The following POU2F1 variants were observed in gnomAD, a reference collection of about 807,000 sequenced individuals.
POU2F1 encodes POU domain, class 2, transcription factor 1.
In POU2F1, 16 loss-of-function variants were observed where a neutral mutation model predicts 84.9. The ratio of observed to expected loss-of-function variants is 0.19; its 90% CI spans 0.13 to 0.29. POU2F1 has a LOEUF of 0.29. Among genes scored for constraint, POU2F1 ranks in the 10% least tolerant of loss-of-function variants. The pLI is 1.00. For missense variants in POU2F1, 738 were observed against 942.6 expected (o/e 0.78, Z 2.84); for synonymous variants, 368 against 368.3 (o/e 1.00, Z 0.01).
At chr1:167,355,688 AT>A (rs924721518) in intron 2 of POU2F1, among the ~76,000 whole-genome samples, 2 of 151,730 alleles carry the variant, frequency 1.3e-5, no homozygotes, top group East Asian at 3.9e-4. Flanking sequence ...TTTAATTACT[AT>A]TTTTTTTCAC....
intron 1 of POU2F1, among the ~76,000 whole-genome samples, chr1:167,240,588 G>A (rs776265383): frequency 6.6e-6 from 1 of 152,184 alleles, no homozygotes; most frequent in Non-Finnish European, 1.5e-5. Context: ...CTTAGCCTAA[G>A]TTTGTGTGGA....
At chr1:167,255,553 C>T (rs184890990) in intron 1 of POU2F1, among the ~76,000 whole-genome samples, 3 of 152,190 alleles carry the variant, frequency 2.0e-5, no homozygotes, top group African/African-American at 7.2e-5. Context: ...TAAGAGTAGA[C>T]TTGAACTTTA....
intron 1 of POU2F1, among the ~76,000 whole-genome samples, chr1:167,306,762 T>G (rs1454394758): frequency 1.3e-5 from 2 of 152,158 alleles, no homozygotes; most frequent in African/African-American, 2.4e-5. Flanking sequence ...ATGTCTGTCT[T>G]TGTTCAAATT....
chr1:167,370,435 A>G (rs1190027015), intron 4 of POU2F1, among the ~76,000 whole-genome samples: 3 of 152,198 alleles, frequency 2.0e-5, no homozygotes, highest in African/African-American at 7.2e-5. Flanking sequence ...GGAAAAGTCT[A>G]CTTTCAAAGT....
At chr1:167,298,917 A>G (rs1488761021) in intron 1 of POU2F1, among the ~76,000 whole-genome samples, 6 of 152,080 alleles carry the variant, frequency 3.9e-5, no homozygotes, top group African/African-American at 1.4e-4. Flanking sequence ...TAATCCCAGC[A>G]CTTTGGGAGG....
intron 1 of POU2F1, among the ~76,000 whole-genome samples, chr1:167,294,692 G>A (rs1384793979): frequency 1.3e-5 from 2 of 152,124 alleles, no homozygotes; most frequent in Non-Finnish European, 2.9e-5. Flanking sequence ...TAGTCATCAG[G>A]GAAATGCAAA....
intron 1 of POU2F1, among the ~76,000 whole-genome samples, chr1:167,255,640 C>T (rs1651073965): frequency 6.6e-6 from 1 of 151,986 alleles, no homozygotes; most frequent in Non-Finnish European, 1.5e-5. Flanking sequence ...TTGACATAGC[C>T]ACAAGAATCC....
At chr1:167,314,198 A>G (rs1655711502) in intron 1 of POU2F1, among the ~76,000 whole-genome samples, 1 of 145,390 alleles carries the variant, frequency 6.9e-6, no homozygotes, top group Non-Finnish European at 1.5e-5. Context: ...ACTCTGTCTC[A>G]GAAAAAAAAA....
intron 7 of POU2F1, among the ~76,000 whole-genome samples, chr1:167,382,288 G>A (rs1008956541): frequency 6.6e-6 from 1 of 152,196 alleles, no homozygotes; most frequent in Non-Finnish European, 1.5e-5. Context: ...CTCTGGAGAA[G>A]CAATATTTGA....
rs115090164 is a variant in POU2F1, at chr1:167,396,601, C to T, written c.1129+174C>T. ...GGTGATATAAATCAGAAAGCTGATT[C>T]ATTTAAATATTCTAGTAATTACAGT... On this transcript the variant is annotated intron_variant, in intron 10 of 15. Transcript: ENST00000367866. The T allele has an allele frequency of 1.2e-3, 797 of 643,046 alleles. 5 individuals are homozygous for T. The African/African-American group carries it at 0.014, about 11-fold the overall frequency. 39.8% of individuals were successfully genotyped at this position (643,046 alleles called of 1,614,324 possible).
At chr1:167,245,900 T>C (rs959688313) in intron 1 of POU2F1, among the ~76,000 whole-genome samples, 3 of 152,202 alleles carry the variant, frequency 2.0e-5, no homozygotes, top group African/African-American at 7.2e-5. Context: ...TTTTATTGTT[T>C]ATGGTAGTCA....
rs1206326609 is a variant in POU2F1, at chr1:167,412,298, C to T, written c.1895C>T (p.Ala632Val). 9.1e-6 allele frequency: 14 copies of T among 1,542,418 alleles called. No individual in the cohort carries two copies. The highest frequency in any genetic ancestry group is 5.9e-5 in the Admixed American group (3 of 51,026). ...AGCCTGATGGCACCCTCACAGTTTG[C>T]GGCTGGGTAAGGCGCTTTCTCATCT... is the stretch of plus-strand genomic sequence containing the variant. ...NPSLMAPSQF[A>V]AGGALLSLNP... Residue 632 changes from alanine (A) to valine (V), a missense_variant, in exon 14 of 16, where the codon GCG becomes GTG. Around this residue, in one of 4 missense-constraint regions of POU2F1, gnomAD observed 319 missense variants for 386.0 expected, o/e 0.83. Transcript: ENST00000367866.
At chr1:167,255,112 C>T (rs1242244081) in intron 1 of POU2F1, among the ~76,000 whole-genome samples, 2 of 152,152 alleles carry the variant, frequency 1.3e-5, no homozygotes, top group African/African-American at 4.8e-5. Context: ...TTTCAAATGA[C>T]TCTAATGCAC....
chr1:167,355,783 C>T (rs1294944672), intron 2 of POU2F1, among the ~76,000 whole-genome samples: 2 of 151,982 alleles, frequency 1.3e-5, no homozygotes, highest in African/African-American at 2.4e-5. Context: ...GTGCGAGCCT[C>T]CATGCCCAGC....
chr1:167,395,058 T>C (rs1347925203), intron 9 of POU2F1, among the ~76,000 whole-genome samples: 1 of 152,182 alleles, frequency 6.6e-6, no homozygotes, highest in Non-Finnish European at 1.5e-5. Context: ...CTTTCTGCCC[T>C]GTCACTAAAC....
chr1:167,309,972 C>CT (rs1655345360), intron 1 of POU2F1, among the ~76,000 whole-genome samples: 1 of 152,046 alleles, frequency 6.6e-6, no homozygotes, highest in South Asian at 2.1e-4. Flanking sequence ...TACCTCAGCT[C>CT]TAAATTCTTT....
At position 167,415,590 on chromosome 1, in the gene POU2F1, T is replaced by C; in HGVS notation, c.2081T>C (p.Val694Ala). ...AATGCGGGAGGAGCCCCCAACATCG[T>C]GACTGCCCCTCTGTTCCTGAACCCT... ...FANAGGAPNI[V>A]TAPLFLNPQN... The change falls in exon 16 of 16, where the codon GTG becomes GCG. Residue 694 changes from valine to alanine, a missense_variant. Around this residue, in one of 4 missense-constraint regions of POU2F1, gnomAD observed 319 missense variants for 386.0 expected, o/e 0.83. Coordinates refer to ENST00000367866, the MANE Select transcript of POU2F1 (RefSeq NM_002697.4). 1.9e-6 allele frequency: 3 copies of C among 1,614,180 alleles called. No homozygotes were observed. Among genetic ancestry groups the C allele is most frequent in the Non-Finnish European group, 2.5e-6 (3 of 1,180,014 alleles).
intron 9 of POU2F1, among the ~76,000 whole-genome samples, chr1:167,391,114 T>C (rs1279530482): frequency 1.3e-5 from 2 of 152,174 alleles, no homozygotes; most frequent in Non-Finnish European, 2.9e-5. Flanking sequence ...ATAAATAATA[T>C]ATTTTTTTAG....
Position 167,420,709 on chromosome 1 carries a change from T to C in POU2F1, c.*4899T>C, listed in dbSNP as rs919801214. Reference sequence around the variant, plus strand: ...GCCAGGGAGAAGTCAGTAGTATTGCTGACTCACTGTATCACTGAGTGTAGG... The same window carrying C: ...GCCAGGGAGAAGTCAGTAGTATTGCCGACTCACTGTATCACTGAGTGTAGG... On this transcript the variant is annotated 3_prime_UTR_variant, in exon 16 of 16. Transcript: ENST00000367866. 2 of 152,214 alleles carry C rather than the reference T, an allele frequency of 1.3e-5. No homozygotes were observed. Among genetic ancestry groups the C allele is most frequent in the East Asian group, 1.9e-4 (1 of 5,188 alleles). The allele number at this position is 152,214 out of a possible 1,614,324, so 9.4% of individuals were successfully genotyped here. A position where few individuals can be genotyped will look rare whatever the true frequency, so the allele number is the denominator to read the frequency against.
Sources: gnomAD v4.1 joint callset for allele counts (sites outside exome capture counted in the v4.1 genomes callset) on GRCh38, gnomAD v4.1.1 for gene constraint, gnomAD v4.1.1 regional missense constraint, MANE v1.5 for transcripts, NCBI Gene and HGNC (gene_info 2026-07-23, HGNC 2026-07-21) for gene names.